Variants in HS3ST4 observed in about 807,000 individuals in gnomAD.
HS3ST4 encodes the protein heparan sulfate glucosamine 3-O-sulfotransferase 4.
HS3ST4 carries 17 observed loss-of-function variants against 29.2 expected under a neutral mutation model. The observed-to-expected ratio is 0.58, with a 90% CI of 0.40 to 0.87. The LOEUF is 0.87. Ranked by LOEUF, HS3ST4 falls within the 40% of genes least tolerant of loss-of-function variation. The pLI, the probability that HS3ST4 is intolerant of heterozygous loss-of-function variation, is 0.00. For missense variants in HS3ST4, 627 were observed against 634.5 expected, an observed-to-expected ratio of 0.99 and a Z score of 0.13; for synonymous variants, 314 against 285.7, an observed-to-expected ratio of 1.10 and a Z score of -1.00.
intron 1 of HS3ST4, among the ~76,000 whole-genome samples, chr16:25,895,277 T>C (rs1300734777): frequency 6.6e-6 from 1 of 151,978 alleles, no homozygotes; most frequent in African/African-American, 2.4e-5. Context: ...GGTAGAGGGA[T>C]AAATGGGATA....
intron 1 of HS3ST4, among the ~76,000 whole-genome samples, chr16:25,763,367 C>T (rs922121600): frequency 6.6e-6 from 1 of 152,146 alleles, no homozygotes; most frequent in African/African-American, 2.4e-5. Flanking sequence ...CAAGTCTCCC[C>T]CTAGCAGACT....
chr16:25,717,022 C>A (rs1242182514), intron 1 of HS3ST4, among the ~76,000 whole-genome samples: 1 of 151,902 alleles, frequency 6.6e-6, no homozygotes, highest in African/African-American at 2.4e-5. Context: ...CCATTGCACT[C>A]CAGCCTGGGC....
intron 1 of HS3ST4, among the ~76,000 whole-genome samples, chr16:25,986,654 C>T (rs189352486): frequency 6.6e-6 from 1 of 152,334 alleles, no homozygotes; most frequent in East Asian, 1.9e-4. Flanking sequence ...ATTTAGTCCT[C>T]ATTCAAAAGC....
chr16:25,789,070 G>A (rs915305038), intron 1 of HS3ST4, among the ~76,000 whole-genome samples: 2 of 152,092 alleles, frequency 1.3e-5, no homozygotes, highest in African/African-American at 4.8e-5. Flanking sequence ...GATTGATCAG[G>A]CCTGGGTCAT....
chr16:25,885,923 G>A (rs1306676950), intron 1 of HS3ST4, among the ~76,000 whole-genome samples: 1 of 150,824 alleles, frequency 6.6e-6, no homozygotes, highest in African/African-American at 2.4e-5. Flanking sequence ...ATTAGGAAAA[G>A]TTAGGTGCTA....
chr16:25,952,459 C>A (rs1202084549), intron 1 of HS3ST4, among the ~76,000 whole-genome samples: 1 of 152,172 alleles, frequency 6.6e-6, no homozygotes, highest in East Asian at 1.9e-4. Context: ...TCTGATTGGA[C>A]AAGATCTTCT....
intron 1 of HS3ST4, among the ~76,000 whole-genome samples, chr16:25,765,371 A>G (rs571192769): frequency 6.6e-6 from 1 of 152,302 alleles, no homozygotes; most frequent in African/African-American, 2.4e-5. Context: ...CCCAATCGCC[A>G]GGAGCCGCTT....
intron 1 of HS3ST4, among the ~76,000 whole-genome samples, chr16:26,122,923 G>T (rs1484009856): frequency 2.0e-5 from 3 of 151,946 alleles, no homozygotes; most frequent in Non-Finnish European, 4.4e-5. Flanking sequence ...GCGTGGTGGC[G>T]GGCGCTTGTA....
At chr16:25,944,323 G>A (rs534144781) in intron 1 of HS3ST4, among the ~76,000 whole-genome samples, 1 of 152,292 alleles carries the variant, frequency 6.6e-6, no homozygotes, top group African/African-American at 2.4e-5. Flanking sequence ...TCTTTTATGT[G>A]GCAGAAACAA....
intron 1 of HS3ST4, among the ~76,000 whole-genome samples, chr16:26,118,850 C>T (rs57293131): frequency 0.016 from 2,435 of 152,130 alleles, 63 homozygotes; most frequent in African/African-American, 0.055. Context: ...GAGAACATAC[C>T]ATATAGGGCT....
intron 1 of HS3ST4, among the ~76,000 whole-genome samples, chr16:25,861,176 G>A (rs1385300646): frequency 6.6e-6 from 1 of 152,188 alleles, no homozygotes; most frequent in African/African-American, 2.4e-5. Context: ...ACAGAGGCAG[G>A]GGCATCCATC....
intron 1 of HS3ST4, among the ~76,000 whole-genome samples, chr16:26,066,761 G>A (rs1160839632): frequency 2.6e-5 from 4 of 152,286 alleles, no homozygotes; most frequent in South Asian, 2.1e-4. Flanking sequence ...AATTCCACAC[G>A]ATTTCTTGCA....
chr16:25,863,633 A>G (rs180712734), intron 1 of HS3ST4, among the ~76,000 whole-genome samples: 6 of 152,336 alleles, frequency 3.9e-5, no homozygotes, highest in African/African-American at 1.4e-4. Context: ...AGATCAGGAC[A>G]CTTATTAGAA....
intron 1 of HS3ST4, among the ~76,000 whole-genome samples, chr16:25,819,627 C>T (rs556433043): frequency 1.0e-3 from 158 of 152,222 alleles, no homozygotes; most frequent in African/African-American, 3.5e-3. Context: ...CCGCTAGACA[C>T]GTCCGGGAGG....
At chr16:26,119,385 G>A (rs1050462597) in intron 1 of HS3ST4, among the ~76,000 whole-genome samples, 1 of 152,214 alleles carries the variant, frequency 6.6e-6, no homozygotes, top group African/African-American at 2.4e-5. Flanking sequence ...GTTAAATTTA[G>A]AATATGTTTT....
intron 1 of HS3ST4, among the ~76,000 whole-genome samples, chr16:26,072,020 A>G (rs1253877585): frequency 6.6e-6 from 1 of 151,970 alleles, no homozygotes; most frequent in African/African-American, 2.4e-5. Context: ...GCCTTTCCCT[A>G]TCTTTGGATT....
chr16:25,786,975 G>T (rs1031244493), intron 1 of HS3ST4, among the ~76,000 whole-genome samples: 1 of 152,166 alleles, frequency 6.6e-6, no homozygotes, highest in Non-Finnish European at 1.5e-5. Flanking sequence ...AGAAGTAGCT[G>T]CCAAATTATT....
chr16:26,099,299 T>G (rs1289977144), intron 1 of HS3ST4, among the ~76,000 whole-genome samples: 1 of 152,160 alleles, frequency 6.6e-6, no homozygotes, highest in Admixed American at 6.5e-5. Flanking sequence ...AGACTACAGG[T>G]GGATGTCACC....
intron 1 of HS3ST4, among the ~76,000 whole-genome samples, chr16:25,867,145 G>A (rs1048559815): frequency 6.6e-6 from 1 of 152,064 alleles, no homozygotes; most frequent in Non-Finnish European, 1.5e-5. Flanking sequence ...AAATCCTATC[G>A]TCTATTGAGT....
Sources: allele counts gnomAD v4.1 joint callset (sites outside exome capture counted in the v4.1 genomes callset), GRCh38; gene constraint gnomAD v4.1.1; transcripts MANE v1.5; gene names NCBI Gene and HGNC (gene_info 2026-07-23, HGNC 2026-07-21).